MDN1: variants seen among roughly 807,000 people sequenced by gnomAD.
The protein encoded by MDN1 is midasin.
A neutral mutation model predicts 669.2 loss-of-function variants in MDN1; 266 were observed. The ratio of observed to expected loss-of-function variants is 0.40; its 90% CI spans 0.36 to 0.44. The LOEUF is 0.44. Among genes scored for constraint, MDN1 ranks in the 20% least tolerant of loss-of-function variants. The probability of loss-of-function intolerance (pLI) is 1.00; values close to 1 mark genes in which losing one functional copy is unlikely to be tolerated. For synonymous variants in MDN1, 2,385 were observed against 2,457.1 expected (o/e 0.97, Z 0.87); for missense variants, 5,940 against 6,754.0 (o/e 0.88, Z 4.22).
chr6:89,710,510 A>AG (rs892759677), intron 50 of MDN1, among the ~76,000 whole-genome samples, 171 bp downstream of exon 50: 1 of 151,972 alleles, frequency 6.6e-6, no homozygotes, highest in Non-Finnish European at 1.5e-5. Flanking sequence ...CCCTTTAAAA[A>AG]AAAAAAAAAG....
At chr6:89,797,006 TGCAGTGAGCCAAG>T (rs1482358242) in intron 2 of MDN1, among the ~76,000 whole-genome samples, 2 of 151,102 alleles carry the variant, frequency 1.3e-5, no homozygotes, top group Non-Finnish European at 2.9e-5. Context: ...AGGCGAAGGT[TGCAGTGAGCCAAG>T]ACAGCACCAT....
At chr6:89,646,444 A>C in intron 100 of MDN1, 96 bp downstream of exon 100, 2 of 982,498 alleles carry the variant, frequency 2.0e-6, no homozygotes, top group Non-Finnish European at 3.2e-6. Context: ...TACCTATTAA[A>C]ACACAGTGAC....
rs1490481580 is a variant in MDN1 at position 89,674,245 on chromosome 6, G to A, written c.13106C>T (p.Ser4369Phe). 1 of 1,614,276 alleles carries A rather than the reference G, an allele frequency of 6.2e-7. No homozygotes were observed. Among genetic ancestry groups the A allele is most frequent in the Non-Finnish European group, 8.5e-7 (1 of 1,180,058 alleles). ...ATCCTGTTTCCGCATCCGGCAACCA[G>A]AGGGCAGCTGACTTCCAGGTATTGG... The part of the protein sequence containing the change: ...PSPIPGSQLP[S>F]GCRMRKQDHL... Residue 4369 changes from serine (S) to phenylalanine (F), a missense_variant, in exon 79 of 102, where the codon TCT becomes TTT. Physicochemically the swap from Ser to Phe is radical, Grantham distance 155 (BLOSUM62 -2). Transcript: ENST00000369393.
intron 54 of MDN1, 24 bp downstream of exon 54, chr6:89,701,880 T>C (rs371233540): frequency 1.3e-6 from 2 of 1,597,244 alleles, no homozygotes; most frequent in East Asian, 2.2e-5. Flanking sequence ...TCATTGACAT[T>C]ATTACTCTAA....
chr6:89,714,966 T>C lies in MDN1; in HGVS notation c.6861-215A>G, dbSNP rs138757489. ...CTGTGTATGATATATCCAGTGTACC[T>C]TTAGTGCTGAGAACTTTAAAAATTT... On this transcript the variant is annotated intron_variant, in intron 45 of 101. Coordinates refer to ENST00000369393, the MANE Select transcript of MDN1 (RefSeq NM_014611.3). Among the ~76,000 whole-genome samples the C allele has an allele frequency of 1.8e-3, 280 of 152,304 alleles. 1 individual carries two copies. Among genetic ancestry groups the C allele is most frequent in the African/African-American group, 6.5e-3 (269 of 41,560 alleles).
chr6:89,676,300 C>T, intron 76 of MDN1, 93 bp from the exon 77 acceptor site: 5 of 1,066,374 alleles, frequency 4.7e-6, no homozygotes, highest in Non-Finnish European at 7.2e-6. Context: ...TTGGCCATAA[C>T]CAAGAGTCAG....
chr6:89,790,215 T>G lies in MDN1; in HGVS notation c.1042A>C (p.Arg348=). ...TTGAGAAGCTGAGGAGGCTTTGTTCTACCTGTCACTGCAGCTAAATATTCA... is the reference window on the plus strand; with the variant it reads ...TTGAGAAGCTGAGGAGGCTTTGTTCGACCTGTCACTGCAGCTAAATATTCA... ...LVEYLAAVTG[R]TKPPQLLKVQ... is the part of the protein sequence containing the mutation. The change falls in exon 6 of 102, where the codon AGA becomes CGA. Residue 348 remains arginine (R), a synonymous_variant. Transcript: ENST00000369393. 6.2e-7 allele frequency: 1 copy of G among 1,614,214 alleles called. No individual in the cohort carries two copies. Among genetic ancestry groups the G allele is most frequent in the Non-Finnish European group, 8.5e-7 (1 of 1,180,008 alleles).
At chr6:89,678,360 T>C (rs1241057848) in intron 75 of MDN1, among the ~76,000 whole-genome samples, 1 of 151,936 alleles carries the variant, frequency 6.6e-6, no homozygotes, top group Admixed American at 6.6e-5. Context: ...AATAAATAAA[T>C]AAAAATATAG....
intron 33 of MDN1, 146 bp from the exon 34 acceptor site, chr6:89,732,921 T>C (rs952561274): frequency 3.0e-6 from 2 of 673,360 alleles, no homozygotes; most frequent in African/African-American, 3.6e-5. Flanking sequence ...AAATGCTGTT[T>C]CTAACAAAAG....
intron 53 of MDN1, among the ~76,000 whole-genome samples, chr6:89,704,512 A>G (rs1433659040): frequency 6.6e-6 from 1 of 152,242 alleles, no homozygotes; most frequent in Admixed American, 6.5e-5. Flanking sequence ...CTCAGTGAAC[A>G]GTATTTTCCA....
intron 31 of MDN1, among the ~76,000 whole-genome samples, chr6:89,742,323 A>T (rs1226350331): frequency 6.6e-6 from 1 of 151,872 alleles, no homozygotes; most frequent in Non-Finnish European, 1.5e-5. Flanking sequence ...GAGGCACAAC[A>T]ATCAAACTTG....
chr6:89,754,213 C>G lies in MDN1; in HGVS notation c.2834G>C (p.Arg945Pro). The G allele has an allele frequency of 6.2e-7, 1 of 1,613,770 alleles. No individual in the cohort carries two copies. Among genetic ancestry groups the G allele is most frequent in the Non-Finnish European group, 8.5e-7 (1 of 1,179,796 alleles). The part of the protein sequence containing the change: ...QGIINFYTAL[R>P]KESGTKLVDG... ...CACCAGTTTGGTCCCAGACTCTTTCCGCAAAGCTGTGTAGAAGCTACAAAT... is the reference window on the plus strand; with the variant it reads ...CACCAGTTTGGTCCCAGACTCTTTCGGCAAAGCTGTGTAGAAGCTACAAAT... The change falls in exon 21 of 102, where the codon CGG (arginine) becomes CCG (proline). Residue 945 changes from arginine to proline, a missense_variant. By Grantham distance (103) the Arg-to-Pro change is moderately radical. Around this residue, in one of 5 missense-constraint regions of MDN1, gnomAD observed 1,203 missense variants for 1,268.9 expected, o/e 0.95. Coordinates refer to ENST00000369393, the MANE Select transcript of MDN1 (RefSeq NM_014611.3).
chr6:89,746,369 G>T (rs1191291409), intron 27 of MDN1, among the ~76,000 whole-genome samples: 1 of 152,070 alleles, frequency 6.6e-6, no homozygotes, highest in African/African-American at 2.4e-5. Flanking sequence ...CAGATCACAA[G>T]GTCAGGAGTT....
Position 89,674,119 on chromosome 6 carries a change from G to C in MDN1, c.13232C>G (p.Thr4411Ser). The C allele has an allele frequency of 6.2e-7, 1 of 1,613,942 alleles. No homozygotes were observed. Among genetic ancestry groups the C allele is most frequent in the Non-Finnish European group, 8.5e-7 (1 of 1,179,874 alleles). The change falls in exon 79 of 102, where the codon ACT (threonine) becomes AGT (serine). Residue 4411 changes from threonine to serine, a missense_variant. By Grantham distance (58) the Thr-to-Ser change is moderately conservative. This residue lies in a region of MDN1 where 2,280 missense variants were observed against 2,576.3 expected (regional missense o/e 0.88). Transcript: ENST00000369393. ...VDKIRQQSCE[T>S]LFHSWKDFEV... ...ACACACTTACCAAGAATGAAAGAGAGTCTCACAAGACTGCTGTCTAATTTT... is the reference window on the plus strand; with the variant it reads ...ACACACTTACCAAGAATGAAAGAGACTCTCACAAGACTGCTGTCTAATTTT...
rs757660371 is a variant in MDN1 at position 89,745,419 on chromosome 6, A to G, written c.4040-8T>C. 66 of 1,613,932 alleles carry G rather than the reference A, an allele frequency of 4.1e-5. No individual in the cohort carries two copies. In the East Asian group the frequency reaches 1.5e-3, roughly 36 times the overall value. On this transcript the variant is annotated splice_polypyrimidine_tract_variant and splice_region_variant and intron_variant, in intron 28 of 101. Coordinates refer to ENST00000369393, the MANE Select transcript of MDN1 (RefSeq NM_014611.3). Reference sequence around the variant, plus strand: ...TCTGAGTAGACAATTTACCTATCCAAGGAAAAATAAATATTTAGATTCTAA... The same window carrying G: ...TCTGAGTAGACAATTTACCTATCCAGGGAAAAATAAATATTTAGATTCTAA...
At chr6:89,652,367 G>T (rs891466098) in intron 94 of MDN1, 86 bp from the exon 95 acceptor site, 19 of 983,768 alleles carry the variant, frequency 1.9e-5, no homozygotes, top group Admixed American at 8.3e-5. Flanking sequence ...CCTACAGTAT[G>T]AACTCAAAGT....
chr6:89,798,785 A>G (rs1819750480), intron 2 of MDN1, among the ~76,000 whole-genome samples: 1 of 152,194 alleles, frequency 6.6e-6, no homozygotes. Flanking sequence ...GTATACTCTG[A>G]TGTGTGCAAG....
chr6:89,686,793 A>G (rs1300789061), intron 69 of MDN1, 109 bp downstream of exon 69: 1 of 1,425,182 alleles, frequency 7.0e-7, no homozygotes, highest in Non-Finnish European at 9.5e-7. Context: ...AGGCATTCCC[A>G]TGAAAGCCAT....
chr6:89,776,216 C>T (rs1028045883), intron 12 of MDN1, among the ~76,000 whole-genome samples: 1 of 152,044 alleles, frequency 6.6e-6, no homozygotes, highest in African/African-American at 2.4e-5. Context: ...TATCCCAGCA[C>T]TTTGGGAGGC....
Sources: allele counts gnomAD v4.1 joint callset (sites outside exome capture counted in the v4.1 genomes callset), GRCh38; gene constraint gnomAD v4.1.1; regional missense constraint gnomAD v4.1.1; transcripts MANE v1.5; gene names NCBI Gene and HGNC (gene_info 2026-07-23, HGNC 2026-07-21).